MCMDC2: variants seen among roughly 807,000 people sequenced by gnomAD.
The protein encoded by MCMDC2 is minichromosome maintenance domain-containing protein 2.
In MCMDC2, 54 loss-of-function variants were observed where a neutral mutation model predicts 75.8. The observed-to-expected ratio is 0.71, with a 90% confidence interval of 0.57 to 0.89. The LOEUF (loss-of-function observed/expected upper bound fraction) is 0.89, where lower values mean the gene tolerates loss of function less well. Ranked by LOEUF, MCMDC2 falls within the 40% of genes least tolerant of loss-of-function variation. The pLI, the probability that MCMDC2 is intolerant of heterozygous loss-of-function variation, is 0.00. For synonymous variants in MCMDC2, 249 were observed against 274.6 expected, an observed-to-expected ratio of 0.91 and a Z score of 0.92; for missense variants, 656 against 780.4, an observed-to-expected ratio of 0.84 and a Z score of 1.90.
chr8:66,902,739 T>TATATATAC (rs1461976245), intron 13 of MCMDC2, among the ~76,000 whole-genome samples: 1 of 137,664 alleles, frequency 7.3e-6, no homozygotes, highest in African/African-American at 2.7e-5. Context: ...TATATATATA[T>TATATATAC]ATACATATAT....
At chr8:66,922,395 A>T, downstream of MCMDC2, 1 of 454,784 alleles carries the variant, frequency 2.2e-6, no homozygotes, top group South Asian at 1.6e-5. Context: ...CCTATATGCT[A>T]AAAACAAAGA....
At chr8:66,877,127 T>A (rs899288335) in intron 4 of MCMDC2, among the ~76,000 whole-genome samples, 1 of 152,144 alleles carries the variant, frequency 6.6e-6, no homozygotes, top group Admixed American at 6.6e-5. Flanking sequence ...TAAGGAAAAA[T>A]TTAAAGTTCA....
At position 66,919,086 on chromosome 8, in the gene MCMDC2, T is replaced by TATC. The variant is rs1203684964; in HGVS notation, c.1964_1966dup (p.Tyr655_Leu656insHis). The stretch of plus-strand genomic sequence containing the variant: ...AGAATACTTAGAGCAAAGGGATCTC[T>TATC]ATCTGACTCAGTGCCAACAACAGCT... On this transcript the variant is annotated inframe_insertion, in exon 15 of 15. Transcript: ENST00000422365. The TATC allele has an allele frequency of 6.4e-7, 1 of 1,550,670 alleles. No individual in the cohort carries two copies. The highest frequency in any genetic ancestry group is 1.4e-5 in the African/African-American group (1 of 73,032).
At chr8:66,923,935 C>T (rs1813640884), downstream of MCMDC2, among the ~76,000 whole-genome samples, 1 of 151,982 alleles carries the variant, frequency 6.6e-6, no homozygotes, top group Non-Finnish European at 1.5e-5. Flanking sequence ...CCACCCCCCT[C>T]CCCCACAAAA....
downstream of MCMDC2, among the ~76,000 whole-genome samples, chr8:66,925,286 T>C (rs1189105627): frequency 6.6e-6 from 1 of 152,222 alleles, no homozygotes; most frequent in Non-Finnish European, 1.5e-5. Flanking sequence ...CTCGTGGGCC[T>C]TGGGGGCACC....
At chr8:66,874,638 TTG>T in intron 4 of MCMDC2, 52 bp downstream of exon 4, 1 of 1,442,188 alleles carries the variant, frequency 6.9e-7, no homozygotes, top group Non-Finnish European at 9.4e-7. Flanking sequence ...ACATGATGAC[TTG>T]TAAAAAAATA....
In MCMDC2 at chr8:66,891,720, C is replaced by T. The variant is rs372469098; in HGVS notation, c.1279+650C>T. On this transcript the variant is annotated intron_variant, in intron 10 of 14. Transcript: ENST00000422365. ...CTGCACTTGGCTCACACTACCAGTCCAGATCCCATGCCTGCTGAGGATAAG... is the reference window on the plus strand; with the variant it reads ...CTGCACTTGGCTCACACTACCAGTCTAGATCCCATGCCTGCTGAGGATAAG... Among the ~76,000 whole-genome samples the T allele has an allele frequency of 2.8e-4, 42 of 152,294 alleles. 1 individual carries two copies. In the East Asian group the frequency reaches 7.5e-3, roughly 27 times the overall value.
At chr8:66,907,828 T>A (rs1220747888) in intron 14 of MCMDC2, among the ~76,000 whole-genome samples, 2 of 152,254 alleles carry the variant, frequency 1.3e-5, no homozygotes, top group Non-Finnish European at 2.9e-5. Context: ...TGACTAGTGA[T>A]GATGAGCTTT....
At chr8:66,892,977 T>C (rs13261255) in intron 10 of MCMDC2, among the ~76,000 whole-genome samples, 1 of 152,238 alleles carries the variant, frequency 6.6e-6, no homozygotes, top group Non-Finnish European at 1.5e-5. Context: ...ATTATTTTTG[T>C]TGAGGATTTT....
intron 14 of MCMDC2, among the ~76,000 whole-genome samples, chr8:66,909,616 G>A (rs971845994): frequency 4.6e-5 from 7 of 152,154 alleles, no homozygotes; most frequent in East Asian, 3.8e-4. Context: ...GACTGGCGCC[G>A]TTTTGCTTCT....
At chr8:66,897,045 T>C (rs1038847035) in intron 12 of MCMDC2, 86 bp downstream of exon 12, 5 of 1,236,646 alleles carry the variant, frequency 4.0e-6, no homozygotes, top group Non-Finnish European at 5.6e-6. Context: ...CTGGATTTTC[T>C]TTATTTAGGA....
chr8:66,899,847 C>G (rs920302673), intron 12 of MCMDC2, among the ~76,000 whole-genome samples: 1 of 151,906 alleles, frequency 6.6e-6, no homozygotes, highest in Non-Finnish European at 1.5e-5. Context: ...TTAGGCCGGG[C>G]CTAGTGGCTC....
At chr8:66,889,094 A>G (rs1811979145) in intron 9 of MCMDC2, among the ~76,000 whole-genome samples, 1 of 152,122 alleles carries the variant, frequency 6.6e-6, no homozygotes, top group Non-Finnish European at 1.5e-5. Context: ...ATTTTATACC[A>G]TCTACCTATC....
downstream of MCMDC2, among the ~76,000 whole-genome samples, chr8:66,924,680 G>A (rs1295960800): frequency 6.6e-6 from 1 of 151,136 alleles, no homozygotes; most frequent in Non-Finnish European, 1.5e-5. Flanking sequence ...GGTTTTCCCA[G>A]CCTCCCAGTT....
chr8:66,905,596 A>G (rs534558670), intron 14 of MCMDC2, among the ~76,000 whole-genome samples: 2 of 152,270 alleles, frequency 1.3e-5, no homozygotes, highest in South Asian at 2.1e-4. Flanking sequence ...TTCTGGGGGA[A>G]AAAGTACTTA....
intron 8 of MCMDC2, among the ~76,000 whole-genome samples, chr8:66,883,110 T>C (rs1184040943): frequency 6.6e-6 from 1 of 152,166 alleles, no homozygotes; most frequent in Non-Finnish European, 1.5e-5. Context: ...TCCACCCAAA[T>C]TACCAATTGG....
intron 1 of MCMDC2, chr8:66,871,413 A>G (rs549989417): frequency 2.0e-5 from 3 of 152,238 alleles, no homozygotes; most frequent in African/African-American, 7.2e-5. Context: ...TTAGCTTTCG[A>G]TTACTCTTCT....
intron 9 of MCMDC2, among the ~76,000 whole-genome samples, chr8:66,885,423 T>C (rs913841359): frequency 6.6e-6 from 1 of 152,170 alleles, no homozygotes; most frequent in Non-Finnish European, 1.5e-5. Context: ...TTTTGCATCA[T>C]ATAAAACTTA....
chr8:66,902,707 AAAAAATATATATATATATATAT>A (rs1486043911), intron 13 of MCMDC2, among the ~76,000 whole-genome samples: 15 of 121,206 alleles, frequency 1.2e-4, no homozygotes, highest in African/African-American at 5.3e-4. Flanking sequence ...AAAAAAAAAA[AAAAAATATATATATATATATAT>A]ATATATATAT....
Sources: allele counts gnomAD v4.1 joint callset (sites outside exome capture counted in the v4.1 genomes callset), GRCh38; gene constraint gnomAD v4.1.1; transcripts MANE v1.5; gene names NCBI Gene and HGNC (gene_info 2026-07-23, HGNC 2026-07-21).